The following EYA4 variants were observed in gnomAD, a reference collection of about 807,000 sequenced individuals.
EYA4 encodes protein phosphatase EYA4.
EYA4 carries 31 observed loss-of-function variants against 87.9 expected under a neutral mutation model. That is an observed-to-expected ratio of 0.35 (90% CI 0.27 to 0.48). EYA4 has a LOEUF of 0.48. Ranked by LOEUF, EYA4 falls within the 20% of genes least tolerant of loss-of-function variation. EYA4 has a pLI of 0.99. For missense variants in EYA4, 678 were observed against 761.4 expected (o/e 0.89, Z 1.29); for synonymous variants, 263 against 270.6 (o/e 0.97, Z 0.28).
At chr6:133,521,178 A>G (rs1304553601) in intron 17 of EYA4, among the ~76,000 whole-genome samples, 3 of 152,180 alleles carry the variant, frequency 2.0e-5, no homozygotes, top group African/African-American at 4.8e-5. Flanking sequence ...TGAACAGGCA[A>G]CTGACAAAAT....
chr6:133,291,518 G>A (rs1180360169), intron 2 of EYA4, among the ~76,000 whole-genome samples: 1 of 152,078 alleles, frequency 6.6e-6, no homozygotes, highest in Non-Finnish European at 1.5e-5. Context: ...ACATATATAG[G>A]CCATAGTTTC....
intron 2 of EYA4, among the ~76,000 whole-genome samples, chr6:133,345,661 T>C (rs1783136940): frequency 6.6e-6 from 1 of 152,230 alleles, no homozygotes; most frequent in South Asian, 2.1e-4. Flanking sequence ...ACTTTGGTTG[T>C]ATCTTAAAAA....
At chr6:133,245,884 A>G (rs571708453) in intron 1 of EYA4, among the ~76,000 whole-genome samples, 24 of 152,340 alleles carry the variant, frequency 1.6e-4, no homozygotes, top group Admixed American at 7.2e-4. Context: ...GGAGCTGTAC[A>G]TTAATATATG....
intron 13 of EYA4, among the ~76,000 whole-genome samples, chr6:133,483,372 T>C (rs1022141937): frequency 2.0e-5 from 3 of 152,102 alleles, no homozygotes; most frequent in Admixed American, 1.3e-4. Context: ...CTTCTTAGTC[T>C]CACATAATTA....
intron 11 of EYA4, among the ~76,000 whole-genome samples, chr6:133,478,510 T>C (rs780492196): frequency 2.6e-5 from 4 of 152,158 alleles, no homozygotes; most frequent in Non-Finnish European, 4.4e-5. Context: ...TATCCCAGGC[T>C]AGAATATGGA....
chr6:133,410,744 TC>T (rs1789151711), intron 3 of EYA4, among the ~76,000 whole-genome samples: 1 of 151,824 alleles, frequency 6.6e-6, no homozygotes, highest in Admixed American at 6.6e-5. Flanking sequence ...CCTGGGGGCT[TC>T]CTGCAGTCCA....
intron 2 of EYA4, among the ~76,000 whole-genome samples, chr6:133,318,610 T>A (rs1780802498): frequency 6.9e-6 from 1 of 144,808 alleles, no homozygotes; most frequent in South Asian, 2.2e-4. Context: ...AAAGTAATTT[T>A]AAGCCATTCT....
chr6:133,428,126 G>T (rs1372022426), intron 3 of EYA4, among the ~76,000 whole-genome samples: 2 of 152,164 alleles, frequency 1.3e-5, no homozygotes, highest in East Asian at 1.9e-4. Flanking sequence ...GATGGGGTTG[G>T]TTGTGGACAT....
intron 3 of EYA4, among the ~76,000 whole-genome samples, chr6:133,410,299 T>G (rs1789098482): frequency 6.6e-6 from 1 of 152,092 alleles, no homozygotes; most frequent in African/African-American, 2.4e-5. Flanking sequence ...AAGTAAATAT[T>G]TTTCAAATAG....
intron 13 of EYA4, among the ~76,000 whole-genome samples, chr6:133,483,713 A>G (rs1222777625): frequency 1.9e-5 from 2 of 105,168 alleles, no homozygotes; most frequent in East Asian, 2.7e-4. Flanking sequence ...TATTATTATT[A>G]TTATTATTAT....
At position 133,249,353 on chromosome 6, in the gene EYA4, G is replaced by A. The variant is rs34913458; in HGVS notation, c.-66+7604G>A. Reference sequence around the variant, plus strand: ...TTATAATATCTTGATGCCTCTCCTGGGGGCCCATTCTGGACTGTGTTGAAG... The same window carrying A: ...TTATAATATCTTGATGCCTCTCCTGAGGGCCCATTCTGGACTGTGTTGAAG... On this transcript the variant is annotated intron_variant, in intron 1 of 19. Coordinates refer to ENST00000355286, the MANE Select transcript of EYA4 (RefSeq NM_004100.5). 9.3e-3 allele frequency among the ~76,000 whole-genome samples: 1,421 copies of A among 152,150 alleles called. 12 individuals carry two copies. The highest frequency in any genetic ancestry group is 0.014 in the Non-Finnish European group (933 of 68,000).
intron 2 of EYA4, among the ~76,000 whole-genome samples, chr6:133,316,415 T>G (rs1009285902): frequency 4.6e-5 from 7 of 152,208 alleles, no homozygotes; most frequent in African/African-American, 7.2e-5. Context: ...GTTTTAGCTA[T>G]TAGCTAAAAT....
intron 2 of EYA4, among the ~76,000 whole-genome samples, chr6:133,288,210 A>G (rs1205951706): frequency 6.6e-6 from 1 of 152,174 alleles, no homozygotes; most frequent in African/African-American, 2.4e-5. Context: ...AAGTAAATGA[A>G]TGGGCATGGT....
At chr6:133,492,016 G>A (rs578114173) in intron 13 of EYA4, among the ~76,000 whole-genome samples, 1 of 149,386 alleles carries the variant, frequency 6.7e-6, no homozygotes, top group South Asian at 2.1e-4. Flanking sequence ...CTTTACTGCT[G>A]AATTTTTCCA....
At chr6:133,337,047 T>G (rs948495910) in intron 2 of EYA4, among the ~76,000 whole-genome samples, 5 of 152,188 alleles carry the variant, frequency 3.3e-5, no homozygotes, top group Admixed American at 1.3e-4. Flanking sequence ...AATCCCAATC[T>G]GCGAAATTCT....
At chr6:133,432,210 T>C (rs1222882063) in intron 3 of EYA4, among the ~76,000 whole-genome samples, 1 of 152,186 alleles carries the variant, frequency 6.6e-6, no homozygotes, top group Non-Finnish European at 1.5e-5. Flanking sequence ...AGGGTCAGCC[T>C]GCCTCCCAGC....
At chr6:133,402,841 A>G (rs1200249427) in intron 3 of EYA4, among the ~76,000 whole-genome samples, 1 of 152,214 alleles carries the variant, frequency 6.6e-6, no homozygotes, top group African/African-American at 2.4e-5. Flanking sequence ...GAGGGAGGGT[A>G]ACAGGGGACA....
At chr6:133,243,089 C>CGTGTGTGTGTGTGTGTGT (rs3065226) in intron 1 of EYA4, among the ~76,000 whole-genome samples, 2,832 of 145,398 alleles carry the variant, frequency 0.019, 52 homozygotes, top group Non-Finnish European at 0.028. Context: ...GGAGCAACTT[C>CGTGTGTGTGTGTGTGTGT]GTGTGTGTGT....
Position 133,530,193 on chromosome 6 carries a change from A to C in EYA4, c.*1388A>C, listed in dbSNP as rs2128829638. The C allele has an allele frequency of 1.0e-6, 1 of 985,442 alleles. No homozygotes were observed. 61.0% of individuals were successfully genotyped at this position (985,442 alleles called of 1,614,324 possible). A position where few individuals can be genotyped will look rare whatever the true frequency, so the allele number is the denominator to read the frequency against. On this transcript the variant is annotated 3_prime_UTR_variant, in exon 20 of 20. Coordinates refer to ENST00000355286, the MANE Select transcript of EYA4 (RefSeq NM_004100.5). ...GCTGCTGAAATGACAACAGTAAAAT[A>C]ATACCTGGTTCTCCATCTGAATACA...
Sources: allele counts gnomAD v4.1 joint callset (sites outside exome capture counted in the v4.1 genomes callset), GRCh38; gene constraint gnomAD v4.1.1; transcripts MANE v1.5; gene names NCBI Gene and HGNC (gene_info 2026-07-23, HGNC 2026-07-21).